PRKN: variants seen among roughly 807,000 people sequenced by gnomAD.
The protein encoded by PRKN is parkin RBR E3 ubiquitin protein ligase.
PRKN carries 56 observed loss-of-function variants against 59.5 expected under a neutral mutation model. The ratio of observed to expected loss-of-function variants is 0.94; its 90% confidence interval spans 0.76 to 1.18. The LOEUF is 1.18. PRKN is among the 50% of genes most tolerant of loss of function. The pLI, the probability that PRKN is intolerant of heterozygous loss-of-function variation, is 0.00. For synonymous variants in PRKN, 250 were observed against 222.1 expected, an observed-to-expected ratio of 1.13 and a Z score of -1.12; for missense variants, 657 against 596.4, an observed-to-expected ratio of 1.10 and a Z score of -1.06.
At chr6:162,303,433 TGAA>T (rs1201887937) in intron 2 of PRKN, among the ~76,000 whole-genome samples, 2 of 152,198 alleles carry the variant, frequency 1.3e-5, no homozygotes, top group African/African-American at 4.8e-5. Flanking sequence ...GAACCACTTA[TGAA>T]GAAGAATTCC....
intron 2 of PRKN, among the ~76,000 whole-genome samples, chr6:162,296,269 C>T (rs953274851): frequency 1.4e-5 from 2 of 146,986 alleles, no homozygotes; most frequent in East Asian, 2.1e-4. Flanking sequence ...CAGTACCTCA[C>T]TCCCTATCTG....
chr6:162,651,403 C>A (rs937947476), intron 1 of PRKN, among the ~76,000 whole-genome samples: 1 of 152,168 alleles, frequency 6.6e-6, no homozygotes, highest in Non-Finnish European at 1.5e-5. Flanking sequence ...ATCACTATAA[C>A]TAATCTATCC....
intron 7 of PRKN, among the ~76,000 whole-genome samples, chr6:161,595,439 C>T (rs1355136701): frequency 6.6e-6 from 1 of 152,172 alleles, no homozygotes; most frequent in Non-Finnish European, 1.5e-5. Context: ...GTTTTACCTG[C>T]TTTCCCATTG....
rs1381983326 is a variant in PRKN, at chr6:161,547,852, G to A, written c.1083+1002C>T. Among the ~76,000 whole-genome samples, 1 of 152,100 alleles carries A rather than the reference G, an allele frequency of 6.6e-6. No individual in the cohort carries two copies. Among genetic ancestry groups the A allele is most frequent in the Non-Finnish European group, 1.5e-5 (1 of 68,030 alleles). On this transcript the variant is annotated intron_variant, in intron 9 of 11. Coordinates refer to ENST00000366898, the MANE Select transcript of PRKN (RefSeq NM_004562.3). The surrounding 1 kb of genome is among the most constrained non-coding windows in gnomAD (Gnocchi z 4.0). ...GTATTTCTTTCCACTTAGGCACCATGGTATCTCATTATTTTTCAACTTCCA... is the reference window on the plus strand; with the variant it reads ...GTATTTCTTTCCACTTAGGCACCATAGTATCTCATTATTTTTCAACTTCCA...
intron 2 of PRKN, among the ~76,000 whole-genome samples, chr6:162,296,182 C>A (rs1054549361): frequency 2.6e-5 from 4 of 151,550 alleles, no homozygotes; most frequent in Admixed American, 2.6e-4. Context: ...CTGTCAAGGC[C>A]CACAGTCGCC....
intron 6 of PRKN, among the ~76,000 whole-genome samples, chr6:161,934,005 G>C (rs1298318463): frequency 1.3e-5 from 2 of 152,200 alleles, no homozygotes; most frequent in African/African-American, 4.8e-5. Context: ...GTTAGGCTTT[G>C]TATCCCTGCC....
chr6:162,406,022 G>A (rs1788051099), intron 2 of PRKN, among the ~76,000 whole-genome samples: 1 of 152,066 alleles, frequency 6.6e-6, no homozygotes. Flanking sequence ...ATCAAGACAG[G>A]GATTTAGAAC....
intron 6 of PRKN, among the ~76,000 whole-genome samples, chr6:161,850,568 A>C: frequency 8.9e-6 from 1 of 112,258 alleles, no homozygotes; most frequent in East Asian, 3.6e-4. Flanking sequence ...GAGCGAGACT[A>C]CGTCTCAAAA....
intron 2 of PRKN, among the ~76,000 whole-genome samples, chr6:162,267,752 G>C (rs565115507): frequency 6.6e-6 from 1 of 152,120 alleles, no homozygotes; most frequent in Non-Finnish European, 1.5e-5. Context: ...TGGGCTTTCT[G>C]TCTATAGGAT....
intron 4 of PRKN, among the ~76,000 whole-genome samples, chr6:162,187,218 T>C (rs988692060): frequency 6.6e-6 from 1 of 152,094 alleles, no homozygotes; most frequent in South Asian, 2.1e-4. Context: ...AACCAGCAGC[T>C]GAGAAAGAAG....
intron 9 of PRKN, among the ~76,000 whole-genome samples, chr6:161,426,680 C>A (rs1788377565): frequency 6.8e-6 from 1 of 147,242 alleles, no homozygotes; most frequent in Non-Finnish European, 1.5e-5. Flanking sequence ...CACACACCTC[C>A]TATTAGTTCT....
At chr6:161,383,595 G>A (rs1057352516) in intron 10 of PRKN, among the ~76,000 whole-genome samples, 6 of 152,292 alleles carry the variant, frequency 3.9e-5, no homozygotes, top group East Asian at 1.9e-4. Flanking sequence ...TGGATGCTCC[G>A]TGATGACACC....
chr6:161,836,018 G>C (rs1792738156), intron 6 of PRKN, among the ~76,000 whole-genome samples: 1 of 151,992 alleles, frequency 6.6e-6, no homozygotes, highest in South Asian at 2.1e-4. Context: ...ATGGCTTTTT[G>C]CCAGAAAGAT....
At chr6:162,437,897 C>T (rs1376443398) in intron 2 of PRKN, among the ~76,000 whole-genome samples, 1 of 152,172 alleles carries the variant, frequency 6.6e-6, no homozygotes, top group Non-Finnish European at 1.5e-5. Flanking sequence ...CATTCATATA[C>T]AGATTTGTGT....
chr6:161,394,348 T>G (rs1196924047), intron 9 of PRKN, among the ~76,000 whole-genome samples: 1 of 151,942 alleles, frequency 6.6e-6, no homozygotes, highest in Non-Finnish European at 1.5e-5. Context: ...TACAGCTCTG[T>G]AGAGTACCCA....
intron 6 of PRKN, among the ~76,000 whole-genome samples, chr6:161,811,773 A>G (rs1481655528): frequency 6.6e-6 from 1 of 151,968 alleles, no homozygotes; most frequent in East Asian, 1.9e-4. Flanking sequence ...AAATACAAAA[A>G]TTAGCCGGGT....
intron 1 of PRKN, among the ~76,000 whole-genome samples, chr6:162,529,535 T>C (rs1203687658): frequency 1.3e-5 from 2 of 152,176 alleles, no homozygotes; most frequent in Non-Finnish European, 2.9e-5. Flanking sequence ...GGCAGGTCTA[T>C]GCAACCCACC....
intron 2 of PRKN, chr6:162,264,622 C>G (rs1421827126): frequency 6.5e-6 from 1 of 152,748 alleles, no homozygotes. Flanking sequence ...GTCTCATCCC[C>G]AGGCCCTGTG....
chr6:162,462,421 T>C (rs1010843629), intron 1 of PRKN, among the ~76,000 whole-genome samples: 1 of 152,196 alleles, frequency 6.6e-6, no homozygotes, highest in Non-Finnish European at 1.5e-5. Flanking sequence ...TTCAACCATG[T>C]AAATTGATGG....
Sources: allele counts gnomAD v4.1 joint callset (sites outside exome capture counted in the v4.1 genomes callset), GRCh38; gene constraint gnomAD v4.1.1; non-coding constraint Gnocchi (gnomAD v3.1); transcripts MANE v1.5; gene names NCBI Gene and HGNC (gene_info 2026-07-23, HGNC 2026-07-21).